The following C3orf52 variants were observed in gnomAD, a reference collection of about 807,000 sequenced individuals.
The protein encoded by C3orf52 is chromosome 3 open reading frame 52.
Under a neutral mutation model 24.8 loss-of-function variants are expected in C3orf52, and 22 were observed. The observed-to-expected ratio is 0.89, with a 90% CI of 0.63 to 1.27. The LOEUF is 1.27. C3orf52 is among the 50% of genes most tolerant of loss of function. The pLI is 0.00. For missense variants in C3orf52, 265 were observed against 260.7 expected, an observed-to-expected ratio of 1.02 and a Z score of -0.11; for synonymous variants, 93 against 100.2, an observed-to-expected ratio of 0.93 and a Z score of 0.43.
At chr3:112,110,002 A>G (rs1187228119) in intron 4 of C3orf52, among the ~76,000 whole-genome samples, 2 of 152,226 alleles carry the variant, frequency 1.3e-5, no homozygotes, top group Non-Finnish European at 2.9e-5. Context: ...AGCACAAGTA[A>G]TACAGGAGTA....
downstream of C3orf52, chr3:112,119,675 T>C (rs770642592): frequency 7.4e-5 from 44 of 594,110 alleles, no homozygotes; most frequent in Non-Finnish European, 1.1e-4. Context: ...ATGTCCTCCT[T>C]CTCCTCTCCC....
At chr3:112,091,224 A>T (rs1017827608) in intron 1 of C3orf52, among the ~76,000 whole-genome samples, 1 of 152,320 alleles carries the variant, frequency 6.6e-6, no homozygotes, top group South Asian at 2.1e-4. Flanking sequence ...AACAGCCCAC[A>T]ATCGTTAAAT....
downstream of C3orf52, among the ~76,000 whole-genome samples, chr3:112,118,719 A>G (rs886168820): frequency 9.9e-5 from 15 of 152,208 alleles, no homozygotes; most frequent in African/African-American, 3.6e-4. Flanking sequence ...AGATAAATCT[A>G]CTGGTCATCA....
chr3:112,117,071 A>T lies in C3orf52; in HGVS notation c.*425A>T. The stretch of plus-strand genomic sequence containing the variant: ...CACCCACCTGGGCTACTTTTTCTTT[A>T]GTGCAGAGGTGCACTGTCTTCTTTT... On this transcript the variant is annotated 3_prime_UTR_variant, in exon 6 of 6. Transcript: ENST00000264848. 1 of 712,564 alleles carries T rather than the reference A, an allele frequency of 1.4e-6. No homozygotes were observed. Among genetic ancestry groups the T allele is most frequent in the South Asian group, 1.9e-5 (1 of 53,346 alleles). The allele number at this position is 712,564 out of a possible 1,614,324, so 44.1% of individuals were successfully genotyped here. A position where few individuals can be genotyped will look rare whatever the true frequency, so the allele number is the denominator to read the frequency against.
chr3:112,128,073 A>G, intron 4 of C3orf52: 6 of 1,612,222 alleles, frequency 3.7e-6, no homozygotes, highest in Non-Finnish European at 5.1e-6. Context: ...TAAAATACCC[A>G]AGAGAGATGG....
In C3orf52 at chr3:112,093,519, A is replaced by G; in HGVS notation, c.268+30A>G. 1.9e-6 allele frequency: 3 copies of G among 1,594,366 alleles called. No individual in the cohort carries two copies. In the South Asian group the frequency reaches 3.4e-5, roughly 18 times the overall value. On this transcript the variant is annotated intron_variant, in intron 2 of 5. Coordinates refer to ENST00000264848, the MANE Select transcript of C3orf52 (RefSeq NM_024616.3). ...GAGGATTTAGATGTGAATAAATAAC[A>G]CATTTTAAGAACTTACTTAAGGCTT...
At chr3:112,102,586 G>T (rs1231486556) in intron 2 of C3orf52, among the ~76,000 whole-genome samples, 1 of 152,042 alleles carries the variant, frequency 6.6e-6, no homozygotes, top group Non-Finnish European at 1.5e-5. Flanking sequence ...TCCCCAGTCT[G>T]TATTCAGTGG....
At chr3:112,119,542 T>G (rs777310694), downstream of C3orf52, 1 of 702,952 alleles carries the variant, frequency 1.4e-6, no homozygotes, top group South Asian at 1.5e-5. Context: ...TTTACACATG[T>G]TCGTGTCTTC....
intron 3 of C3orf52, among the ~76,000 whole-genome samples, chr3:112,106,635 C>T (rs914865452): frequency 1.3e-5 from 2 of 152,196 alleles, no homozygotes; most frequent in Non-Finnish European, 2.9e-5. Flanking sequence ...GAATTCTGTG[C>T]CAGGAACTGG....
intron 3 of C3orf52, among the ~76,000 whole-genome samples, chr3:112,105,616 A>G (rs576022913): frequency 3.7e-4 from 55 of 150,622 alleles, no homozygotes; most frequent in African/African-American, 1.1e-3. Flanking sequence ...GTGTCTTGCA[A>G]TCCAGTTCAA....
At position 112,113,089 on chromosome 3, in the gene C3orf52, A is replaced by C; in HGVS notation, c.593A>C (p.Gln198Pro). ...LGILLQDFRD[Q>P]NIPGCESLGL... ...ATTTTGCTACAGGATTTCCGTGATC[A>C]GAATATACCTGGTTGTGAGAGTCTG... Residue 198 changes from glutamine (Q) to proline (P), a missense_variant, in exon 5 of 6, where the codon CAG becomes CCG. Physicochemically the swap from Gln to Pro is moderately conservative, Grantham distance 76 (BLOSUM62 -1). Transcript: ENST00000264848. 1 of 1,611,714 alleles carries C rather than the reference A, an allele frequency of 6.2e-7. No individual in the cohort carries two copies. The highest frequency in any genetic ancestry group is 8.5e-7 in the Non-Finnish European group (1 of 1,179,008).
intron 3 of C3orf52, among the ~76,000 whole-genome samples, chr3:112,104,805 C>G (rs933120863): frequency 3.9e-5 from 6 of 152,280 alleles, no homozygotes; most frequent in African/African-American, 1.4e-4. Flanking sequence ...CCTTTTCCAT[C>G]AAGTCCTTGA....
At chr3:112,111,990 A>G (rs2074087726) in intron 4 of C3orf52, 1 of 152,330 alleles carries the variant, frequency 6.6e-6, no homozygotes, top group East Asian at 1.9e-4. Context: ...TGTAGCCAGA[A>G]GAGGGAGCTC....
chr3:112,087,796 A>G lies in C3orf52; in HGVS notation c.138+1251A>G, dbSNP rs142744216. On this transcript the variant is annotated intron_variant, in intron 1 of 5. Coordinates refer to ENST00000264848, the MANE Select transcript of C3orf52 (RefSeq NM_024616.3). Reference sequence around the variant, plus strand: ...CGGTGTCCAGGAATGGGAGTTGGAAATACTTGCCTCAGATTAGATGGACCC... The same window carrying G: ...CGGTGTCCAGGAATGGGAGTTGGAAGTACTTGCCTCAGATTAGATGGACCC... 2.3e-3 allele frequency among the ~76,000 whole-genome samples: 349 copies of G among 152,322 alleles called. 2 individuals carry two copies. Among genetic ancestry groups the G allele is most frequent in the African/African-American group, 8.2e-3 (341 of 41,576 alleles).
chr3:112,105,764 A>G (rs886895033), intron 3 of C3orf52, among the ~76,000 whole-genome samples: 1 of 148,798 alleles, frequency 6.7e-6, no homozygotes, highest in Non-Finnish European at 1.5e-5. Flanking sequence ...CAGAGCTTGC[A>G]GTGAGCCGAG....
intron 1 of C3orf52, among the ~76,000 whole-genome samples, chr3:112,092,506 T>C (rs895470334): frequency 1.3e-5 from 2 of 152,112 alleles, no homozygotes; most frequent in Non-Finnish European, 2.9e-5. Flanking sequence ...CTCTGCACAG[T>C]GATGTGGACA....
intron 4 of C3orf52, among the ~76,000 whole-genome samples, chr3:112,110,084 C>G (rs2074064316): frequency 6.6e-6 from 1 of 152,172 alleles, no homozygotes; most frequent in Non-Finnish European, 1.5e-5. Flanking sequence ...AATCCCAGCA[C>G]TTTGCGAGGC....
intron 3 of C3orf52, among the ~76,000 whole-genome samples, chr3:112,104,389 A>G (rs2074005768): frequency 1.3e-5 from 2 of 152,162 alleles, no homozygotes; most frequent in Non-Finnish European, 1.5e-5. Context: ...CTTCTCTGCC[A>G]TTGCTAGGTT....
At chr3:112,089,363 TA>T (rs200040857) in intron 1 of C3orf52, among the ~76,000 whole-genome samples, 9,183 of 151,242 alleles carry the variant, frequency 0.061, 385 homozygotes, top group African/African-American at 0.12. Flanking sequence ...CCGTCTCTAC[TA>T]AAAAAAATAC....
Sources: gnomAD v4.1 joint callset for allele counts (sites outside exome capture counted in the v4.1 genomes callset) on GRCh38, gnomAD v4.1.1 for gene constraint, MANE v1.5 for transcripts, NCBI Gene and HGNC (gene_info 2026-07-23, HGNC 2026-07-21) for gene names.